Variants in OPCML observed in about 807,000 individuals in gnomAD.
OPCML encodes opioid-binding protein/cell adhesion molecule.
A neutral mutation model predicts 37.8 loss-of-function variants in OPCML; 13 were observed. The ratio of observed to expected loss-of-function variants is 0.34; its 90% CI spans 0.22 to 0.55. The LOEUF (loss-of-function observed/expected upper bound fraction) is 0.55, where lower values mean the gene tolerates loss of function less well. Ranked by LOEUF, OPCML falls within the 20% of genes least tolerant of loss-of-function variation. OPCML has a pLI of 0.91. For synonymous variants in OPCML, 176 were observed against 168.8 expected, an observed-to-expected ratio of 1.04 and a Z score of -0.33; for missense variants, 341 against 435.6, an observed-to-expected ratio of 0.78 and a Z score of 1.93.
At chr11:132,829,673 T>C (rs1012760926) in intron 2 of OPCML, among the ~76,000 whole-genome samples, 1 of 152,226 alleles carries the variant, frequency 6.6e-6, no homozygotes, top group African/African-American at 2.4e-5. Context: ...GGATCCTTCA[T>C]TTCTGCCTGC....
chr11:133,511,262 A>G (rs1037763781), intron 1 of OPCML, among the ~76,000 whole-genome samples: 1 of 152,098 alleles, frequency 6.6e-6, no homozygotes, highest in African/African-American at 2.4e-5. Context: ...CTCTGCCTCT[A>G]AGCTTTAGCA....
intron 4 of OPCML, among the ~76,000 whole-genome samples, chr11:132,501,361 A>G (rs1182429696): frequency 3.9e-5 from 6 of 152,262 alleles, no homozygotes; most frequent in Non-Finnish European, 4.4e-5. Context: ...CAATTGCAAC[A>G]GAAGCCAAAA....
intron 3 of OPCML, among the ~76,000 whole-genome samples, chr11:132,648,709 C>T (rs1431087379): frequency 1.3e-5 from 2 of 152,064 alleles, no homozygotes; most frequent in African/African-American, 4.8e-5. Context: ...AAACCAGGTG[C>T]CAGGACTGGC....
At chr11:132,504,904 T>G (rs1222548849) in intron 4 of OPCML, among the ~76,000 whole-genome samples, 1 of 152,052 alleles carries the variant, frequency 6.6e-6, no homozygotes, top group Non-Finnish European at 1.5e-5. Context: ...CCTCATAGAC[T>G]TTCTAAGCAA....
chr11:133,128,032 T>C (rs1949543618), intron 1 of OPCML, among the ~76,000 whole-genome samples: 1 of 152,076 alleles, frequency 6.6e-6, no homozygotes, highest in South Asian at 2.1e-4. Context: ...AGCATGACTG[T>C]TTTCCCTTGA....
chr11:132,424,239 C>T (rs1253995182), intron 7 of OPCML, among the ~76,000 whole-genome samples: 2 of 151,986 alleles, frequency 1.3e-5, no homozygotes, highest in Non-Finnish European at 1.5e-5. Flanking sequence ...CCTGCCTCAT[C>T]CTCCCAAGTA....
chr11:132,932,655 C>T (rs570322588), intron 2 of OPCML, among the ~76,000 whole-genome samples: 1 of 149,298 alleles, frequency 6.7e-6, no homozygotes, highest in East Asian at 2.0e-4. Context: ...CCAATAAATG[C>T]TGCATGGATA....
intron 1 of OPCML, among the ~76,000 whole-genome samples, chr11:132,945,980 CA>C (rs1345803915): frequency 6.6e-6 from 1 of 152,216 alleles, no homozygotes; most frequent in East Asian, 1.9e-4. Flanking sequence ...GACGGGGTTT[CA>C]CCGTGTTAGT....
intron 1 of OPCML, among the ~76,000 whole-genome samples, chr11:133,252,875 C>T (rs777146044): frequency 3.4e-4 from 52 of 152,266 alleles, no homozygotes; most frequent in African/African-American, 1.2e-3. Flanking sequence ...CGGCCAGGTA[C>T]GGTGGCTCAT....
intron 1 of OPCML, among the ~76,000 whole-genome samples, chr11:133,480,204 C>T (rs1025648760): frequency 8.5e-5 from 13 of 152,208 alleles, no homozygotes; most frequent in African/African-American, 2.7e-4. Context: ...CCCATGCTTG[C>T]TCATCCATTC....
At chr11:133,400,756 T>C (rs1378110132) in intron 1 of OPCML, among the ~76,000 whole-genome samples, 2 of 152,212 alleles carry the variant, frequency 1.3e-5, no homozygotes, top group East Asian at 3.8e-4. Flanking sequence ...TCTTAAGTGA[T>C]ATGGCCTCTG....
chr11:133,021,481 G>A (rs140169314), intron 1 of OPCML, among the ~76,000 whole-genome samples: 4 of 152,054 alleles, frequency 2.6e-5, no homozygotes, highest in Non-Finnish European at 4.4e-5. Context: ...GGTCAGCATG[G>A]TTGTACGTAA....
At chr11:133,140,583 GAAAA>G (rs1196498951) in intron 1 of OPCML, among the ~76,000 whole-genome samples, 1 of 118,742 alleles carries the variant, frequency 8.4e-6, no homozygotes, top group Admixed American at 8.9e-5. Context: ...GAAGAAAGAA[GAAAA>G]AAGAAAGAAG....
At chr11:132,891,524 GATATAA>G (rs1943647668) in intron 2 of OPCML, among the ~76,000 whole-genome samples, 1 of 152,074 alleles carries the variant, frequency 6.6e-6, no homozygotes, top group African/African-American at 2.4e-5. Flanking sequence ...TGAACTGGAA[GATATAA>G]ATATATATTT....
chr11:133,077,482 T>C (rs1948641182), intron 1 of OPCML, among the ~76,000 whole-genome samples: 1 of 152,188 alleles, frequency 6.6e-6, no homozygotes, highest in Admixed American at 6.5e-5. Flanking sequence ...AGTGAAATTA[T>C]AAAATCAATA....
chr11:133,151,324 T>G (rs1269463170), intron 1 of OPCML, among the ~76,000 whole-genome samples: 1 of 151,658 alleles, frequency 6.6e-6, no homozygotes, highest in Non-Finnish European at 1.5e-5. Context: ...AGAAAAAAAC[T>G]TTAAAAGAGG....
chr11:133,222,013 G>T (rs939104227), intron 1 of OPCML, among the ~76,000 whole-genome samples: 1 of 152,178 alleles, frequency 6.6e-6, no homozygotes, highest in African/African-American at 2.4e-5. Context: ...GCCAGCTCTA[G>T]TTCCTCCCAG....
Position 133,474,419 on chromosome 11 carries a change from TATCA to T in OPCML, c.61+57841_61+57844del, listed in dbSNP as rs1469811410. Among the ~76,000 whole-genome samples the T allele has an allele frequency of 3.3e-5, 5 of 152,352 alleles. No homozygotes were observed. The East Asian group carries it at 9.6e-4, about 29-fold the overall frequency. ...ATTCATTTATGAATTCAAAAGCTGT[TATCA>T]ATCACCAGCTGTTTACCAGCCACTG... On this transcript the variant is annotated intron_variant, in intron 1 of 7. Coordinates refer to ENST00000524381, the MANE Select transcript of OPCML (RefSeq NM_001012393.5).
At chr11:132,823,179 T>A (rs1940092303) in intron 2 of OPCML, among the ~76,000 whole-genome samples, 1 of 152,156 alleles carries the variant, frequency 6.6e-6, no homozygotes, top group African/African-American at 2.4e-5. Context: ...GTTTGCTTGT[T>A]TTCTTCCCCT....
Sources: allele counts gnomAD v4.1 joint callset (sites outside exome capture counted in the v4.1 genomes callset), GRCh38; gene constraint gnomAD v4.1.1; transcripts MANE v1.5; gene names NCBI Gene and HGNC (gene_info 2026-07-23, HGNC 2026-07-21).